Variants in KCTD8 observed in about 807,000 individuals in gnomAD.
KCTD8 encodes the protein potassium channel tetramerization domain containing 8, also known as BTB/POZ domain-containing protein KCTD8.
A neutral mutation model predicts 31.5 loss-of-function variants in KCTD8; 27 were observed. The observed-to-expected ratio is 0.86, with a 90% CI of 0.63 to 1.18. KCTD8 has a LOEUF of 1.18. Among genes scored for constraint, KCTD8 ranks in the 50% most tolerant of loss-of-function variants. KCTD8 has a pLI of 0.00. For synonymous variants in KCTD8, 290 were observed against 280.0 expected (o/e 1.04, Z -0.36); for missense variants, 658 against 647.7 (o/e 1.02, Z -0.17).
chr4:44,312,162 C>T (rs55968018), intron 1 of KCTD8, among the ~76,000 whole-genome samples: 35,083 of 151,980 alleles, frequency 0.23, 4,789 homozygotes, highest in Non-Finnish European at 0.31. Flanking sequence ...AAAGGTTTTT[C>T]AGATGATATA....
At chr4:44,354,649 C>T (rs73815027) in intron 1 of KCTD8, among the ~76,000 whole-genome samples, 54 of 152,050 alleles carry the variant, frequency 3.6e-4, no homozygotes, top group African/African-American at 1.1e-3. Flanking sequence ...TTCATTTGCA[C>T]GAATCCATGA....
intron 1 of KCTD8, among the ~76,000 whole-genome samples, chr4:44,220,892 A>T (rs1182532083): frequency 6.6e-6 from 1 of 152,216 alleles, no homozygotes; most frequent in African/African-American, 2.4e-5. Flanking sequence ...AGCCTAAATC[A>T]TGAGAATCCT....
At chr4:44,213,127 C>T (rs1287840050) in intron 1 of KCTD8, among the ~76,000 whole-genome samples, 3 of 151,878 alleles carry the variant, frequency 2.0e-5, no homozygotes, top group Non-Finnish European at 4.4e-5. Flanking sequence ...TTAGTAGAGA[C>T]GGGTTTCACC....
chr4:44,176,458 G>T (rs1010601743), intron 1 of KCTD8, among the ~76,000 whole-genome samples: 1 of 152,138 alleles, frequency 6.6e-6, no homozygotes, highest in Non-Finnish European at 1.5e-5. Flanking sequence ...ATGAACCACT[G>T]ATCAGTCTAA....
chr4:44,408,839 G>A (rs1430619314), intron 1 of KCTD8, among the ~76,000 whole-genome samples: 2 of 151,972 alleles, frequency 1.3e-5, no homozygotes, highest in African/African-American at 4.8e-5. Context: ...AGATGGTCTT[G>A]ATATCCTGAC....
At position 44,257,389 on chromosome 4, in the gene KCTD8, G is replaced by A. The variant is rs557444703; in HGVS notation, c.962-82139C>T. On this transcript the variant is annotated intron_variant, in intron 1 of 1. Coordinates refer to ENST00000360029, the MANE Select transcript of KCTD8 (RefSeq NM_198353.3). Reference sequence around the variant, plus strand: ...CGAAAATATTAACTAAGGTCTTTTCGAGGTCTTATTTAAAAGACTGAATTG... The same window carrying A: ...CGAAAATATTAACTAAGGTCTTTTCAAGGTCTTATTTAAAAGACTGAATTG... Among the ~76,000 whole-genome samples, 4 of 151,882 alleles carry A rather than the reference G, an allele frequency of 2.6e-5. No individual in the cohort carries two copies. In the South Asian group the frequency reaches 8.3e-4, roughly 31 times the overall value.
rs191740198 is a variant in KCTD8 at position 44,322,174 on chromosome 4, A to G, written c.961+125389T>C. 2.8e-4 allele frequency among the ~76,000 whole-genome samples: 43 copies of G among 152,154 alleles called. 1 individual carries two copies. The East Asian group carries it at 7.9e-3, about 28-fold the overall frequency. ...TACTTTTAGTTTTTCAGAAACTTCC[A>G]TACTGTTTTCCATAATGGCTATACC... On this transcript the variant is annotated intron_variant, in intron 1 of 1. Transcript: ENST00000360029.
chr4:44,245,399 AGAAAATAATCT>A (rs1305220262), intron 1 of KCTD8, among the ~76,000 whole-genome samples: 3 of 152,110 alleles, frequency 2.0e-5, no homozygotes, highest in Admixed American at 6.6e-5. Flanking sequence ...TGTAAACCTC[AGAAAATAATCT>A]GACAGCTAGC....
intron 1 of KCTD8, among the ~76,000 whole-genome samples, chr4:44,217,871 T>G (rs1714693933): frequency 6.6e-6 from 1 of 152,178 alleles, no homozygotes; most frequent in South Asian, 2.1e-4. Context: ...ACAGTCAGCT[T>G]CCCTACTTTT....
intron 1 of KCTD8, among the ~76,000 whole-genome samples, chr4:44,342,534 G>A (rs1000779143): frequency 6.6e-6 from 1 of 152,124 alleles, no homozygotes; most frequent in African/African-American, 2.4e-5. Flanking sequence ...TAATTCTTAA[G>A]AGCTCTAGGA....
intron 1 of KCTD8, among the ~76,000 whole-genome samples, chr4:44,283,490 T>C (rs1216254904): frequency 6.6e-6 from 1 of 152,136 alleles, no homozygotes; most frequent in Admixed American, 6.6e-5. Context: ...GCTTATGATT[T>C]TAAGTTAAAG....
chr4:44,395,346 A>T (rs987570563), intron 1 of KCTD8, among the ~76,000 whole-genome samples: 2 of 152,120 alleles, frequency 1.3e-5, no homozygotes, highest in African/African-American at 4.8e-5. Context: ...TGCATAAGCT[A>T]GGGGCCGAAA....
chr4:44,253,717 C>T (rs564106015), intron 1 of KCTD8, among the ~76,000 whole-genome samples: 1 of 151,904 alleles, frequency 6.6e-6, no homozygotes, highest in Non-Finnish European at 1.5e-5. Context: ...GTCCTCTGAT[C>T]GCAGACATAT....
intron 1 of KCTD8, among the ~76,000 whole-genome samples, chr4:44,325,353 T>G (rs1180795151): frequency 6.6e-6 from 1 of 151,910 alleles, no homozygotes; most frequent in Non-Finnish European, 1.5e-5. Flanking sequence ...CATCTGAAAA[T>G]TCTAAATTTA....
chr4:44,336,902 T>C (rs1461798273), intron 1 of KCTD8, among the ~76,000 whole-genome samples: 4 of 152,036 alleles, frequency 2.6e-5, no homozygotes, highest in Non-Finnish European at 4.4e-5. Context: ...AACTGCCATA[T>C]AACAAATCTC....
chr4:44,338,528 T>C (rs1322615040), intron 1 of KCTD8, among the ~76,000 whole-genome samples: 26 of 152,200 alleles, frequency 1.7e-4, no homozygotes, highest in Admixed American at 1.7e-3. Flanking sequence ...TCTGTAGGAA[T>C]ATCTTAATAG....
intron 1 of KCTD8, among the ~76,000 whole-genome samples, chr4:44,299,625 G>T (rs1717545484): frequency 6.6e-6 from 1 of 151,858 alleles, no homozygotes; most frequent in Non-Finnish European, 1.5e-5. Flanking sequence ...CTACTCTGGA[G>T]GCTGAGGCAG....
At chr4:44,325,026 A>G (rs761327417) in intron 1 of KCTD8, among the ~76,000 whole-genome samples, 1 of 151,998 alleles carries the variant, frequency 6.6e-6, no homozygotes, top group Non-Finnish European at 1.5e-5. Flanking sequence ...AAGCATGAGA[A>G]CAAATAGGGT....
intron 1 of KCTD8, among the ~76,000 whole-genome samples, chr4:44,175,976 G>A (rs1713201627): frequency 6.6e-6 from 1 of 152,180 alleles, no homozygotes; most frequent in East Asian, 1.9e-4. Flanking sequence ...TTTTCAGAAA[G>A]TGATAGTTTA....
Sources: allele counts gnomAD v4.1 joint callset (sites outside exome capture counted in the v4.1 genomes callset), GRCh38; gene constraint gnomAD v4.1.1; transcripts MANE v1.5; gene names NCBI Gene and HGNC (gene_info 2026-07-23, HGNC 2026-07-21).